Variants in GRIP1 observed in about 807,000 individuals in gnomAD.
GRIP1 encodes glutamate receptor interacting protein 1, also known as glutamate receptor-interacting protein 1.
GRIP1 carries 45 observed loss-of-function variants against 129.9 expected under a neutral mutation model. The ratio of observed to expected loss-of-function variants is 0.35; its 90% CI spans 0.27 to 0.44. The LOEUF is 0.44. Ranked by LOEUF, GRIP1 falls within the 20% of genes least tolerant of loss-of-function variation. The pLI is 1.00. For missense variants in GRIP1, 1,196 were observed against 1,396.8 expected, an observed-to-expected ratio of 0.86 and a Z score of 2.29; for synonymous variants, 530 against 520.8, an observed-to-expected ratio of 1.02 and a Z score of -0.24.
At chr12:67,020,819 G>A (rs1452580930) in intron 1 of GRIP1, among the ~76,000 whole-genome samples, 1 of 151,974 alleles carries the variant, frequency 6.6e-6, no homozygotes, top group African/African-American at 2.4e-5. Flanking sequence ...TATAATCTGG[G>A]CCCAGTGCAG....
chr12:66,598,076 TAAAG>T (rs2064125813), intron 1 of GRIP1, among the ~76,000 whole-genome samples: 1 of 152,174 alleles, frequency 6.6e-6, no homozygotes, highest in Admixed American at 6.6e-5. Flanking sequence ...TTAAAGAATT[TAAAG>T]AAACCATACT....
chr12:66,460,806 C>T (rs1166718782), intron 9 of GRIP1, among the ~76,000 whole-genome samples: 1 of 152,124 alleles, frequency 6.6e-6, no homozygotes, highest in African/African-American at 2.4e-5. Flanking sequence ...ATGTAAAACT[C>T]CACTAGTCAA....
chr12:66,418,356 A>G (rs908329560), intron 15 of GRIP1, among the ~76,000 whole-genome samples: 1 of 152,206 alleles, frequency 6.6e-6, no homozygotes, highest in African/African-American at 2.4e-5. Context: ...ACATTGGGGA[A>G]ACTCTCCAGG....
chr12:66,556,549 T>C (rs977734980), intron 2 of GRIP1, among the ~76,000 whole-genome samples: 4 of 151,962 alleles, frequency 2.6e-5, no homozygotes, highest in Admixed American at 6.6e-5. Flanking sequence ...GTAATGGTGG[T>C]ATGCAAACTT....
intron 1 of GRIP1, among the ~76,000 whole-genome samples, chr12:66,749,525 C>T (rs2037058184): frequency 6.6e-6 from 1 of 152,150 alleles, no homozygotes; most frequent in Non-Finnish European, 1.5e-5. Context: ...CAGTGTTTTA[C>T]TGACTCTTCT....
intron 5 of GRIP1, among the ~76,000 whole-genome samples, chr12:66,528,141 T>TGTTTGTTTG (rs1174951759): frequency 0.013 from 1,264 of 96,594 alleles, 41 homozygotes; most frequent in African/African-American, 0.055. Flanking sequence ...TAGGTTTTTT[T>TGTTTGTTTG]TTTTTTTTTT....
chr12:66,709,133 C>G (rs2035631605), intron 1 of GRIP1, among the ~76,000 whole-genome samples: 1 of 151,810 alleles, frequency 6.6e-6, no homozygotes, highest in South Asian at 2.1e-4. Flanking sequence ...CATTTTGAAA[C>G]AAATTTCAGT....
intron 1 of GRIP1, among the ~76,000 whole-genome samples, chr12:66,660,884 T>C (rs2033457141): frequency 1.3e-5 from 2 of 152,052 alleles, no homozygotes; most frequent in Admixed American, 1.3e-4. Flanking sequence ...TATATGTTTA[T>C]ATGTGTGTAT....
chr12:66,380,660 A>G (rs1350764294), intron 19 of GRIP1, among the ~76,000 whole-genome samples: 2 of 152,194 alleles, frequency 1.3e-5, no homozygotes, highest in South Asian at 4.1e-4. Context: ...CTTTGCAAGT[A>G]TTTACATTTT....
At chr12:66,842,637 A>G (rs576018644) in intron 1 of GRIP1, among the ~76,000 whole-genome samples, 1 of 152,358 alleles carries the variant, frequency 6.6e-6, no homozygotes, top group African/African-American at 2.4e-5. Context: ...AAGTCATAAC[A>G]AAAGTATAGA....
intron 1 of GRIP1, among the ~76,000 whole-genome samples, chr12:66,649,541 T>C (rs777379826): frequency 6.6e-6 from 1 of 152,210 alleles, no homozygotes; most frequent in Non-Finnish European, 1.5e-5. Flanking sequence ...CTAGGCATTA[T>C]TTCCCTCACA....
intron 1 of GRIP1, among the ~76,000 whole-genome samples, chr12:66,859,257 C>A (rs11176456): frequency 2.1e-5 from 2 of 94,750 alleles, no homozygotes; most frequent in Non-Finnish European, 2.3e-5. Flanking sequence ...TCCACATTTT[C>A]TGAAAAAAAA....
chr12:66,873,764 C>T (rs935363668), intron 1 of GRIP1, among the ~76,000 whole-genome samples: 3 of 152,018 alleles, frequency 2.0e-5, no homozygotes, highest in African/African-American at 7.2e-5. Context: ...AAAGCACTGT[C>T]ATAAATATAA....
At chr12:66,622,286 G>C (rs917068221) in intron 1 of GRIP1, among the ~76,000 whole-genome samples, 1 of 152,126 alleles carries the variant, frequency 6.6e-6, no homozygotes, top group East Asian at 1.9e-4. Context: ...ATGGAGGAGG[G>C]AGAGGAAGTG....
chr12:66,359,548 T>C (rs1259519323), intron 23 of GRIP1, among the ~76,000 whole-genome samples: 1 of 152,232 alleles, frequency 6.6e-6, no homozygotes, highest in East Asian at 1.9e-4. Context: ...TCACAGTTAT[T>C]GGCAAAGAGC....
At chr12:66,910,738 C>T (rs372388553) in intron 1 of GRIP1, among the ~76,000 whole-genome samples, 2 of 152,128 alleles carry the variant, frequency 1.3e-5, no homozygotes, top group African/African-American at 2.4e-5. Context: ...AAATCAAAAA[C>T]GTTTTCTAAA....
chr12:66,438,465 G>T (rs906110656), intron 13 of GRIP1, among the ~76,000 whole-genome samples: 4 of 151,632 alleles, frequency 2.6e-5, no homozygotes, highest in African/African-American at 9.7e-5. Context: ...AGAGCCAACT[G>T]CTCTCTACCC....
chr12:66,676,250 T>C (rs2034322929), intron 1 of GRIP1, among the ~76,000 whole-genome samples: 1 of 152,208 alleles, frequency 6.6e-6, no homozygotes, highest in South Asian at 2.1e-4. Context: ...ATTAGATATA[T>C]GAAGAATGTA....
rs138550486 is a variant in GRIP1 at position 66,706,549 on chromosome 12, A to G, written c.-419-76213T>C. Reference sequence around the variant, plus strand: ...CCAAAGGAATATAAATCATTCTACCATAAAGACACATGCACACGTATGCTT... The same window carrying G: ...CCAAAGGAATATAAATCATTCTACCGTAAAGACACATGCACACGTATGCTT... On this transcript the variant is annotated intron_variant, in intron 1 of 4. Transcript: ENST00000538373. 5.5e-3 allele frequency among the ~76,000 whole-genome samples: 831 copies of G among 152,278 alleles called. 6 individuals carry two copies. The highest frequency in any genetic ancestry group is 0.018 in the African/African-American group (747 of 41,542).
Sources: allele counts gnomAD v4.1 joint callset (sites outside exome capture counted in the v4.1 genomes callset), GRCh38; gene constraint gnomAD v4.1.1; transcripts MANE v1.5; gene names NCBI Gene and HGNC (gene_info 2026-07-23, HGNC 2026-07-21).